Variants in CGGBP1 observed in about 807,000 individuals in gnomAD.
CGGBP1 encodes the protein CGG triplet repeat binding protein 1.
In CGGBP1, 4 loss-of-function variants were observed where a neutral mutation model predicts 11.4. The ratio of observed to expected loss-of-function variants is 0.35; its 90% CI spans 0.17 to 0.80. The LOEUF (loss-of-function observed/expected upper bound fraction) is 0.80. CGGBP1 is among the 30% of genes least tolerant of loss of function. The probability of loss-of-function intolerance (pLI) is 0.52; values close to 1 mark genes in which losing one functional copy is unlikely to be tolerated. For missense variants in CGGBP1, 135 were observed against 202.1 expected (o/e 0.67, Z 2.01); for synonymous variants, 76 against 74.1 (o/e 1.03, Z -0.13).
Position 88,139,425 on chromosome 3 carries a change from C to T in CGGBP1, c.-229+1545G>A, listed in dbSNP as rs758133144. On this transcript the variant is annotated intron_variant, in intron 2 of 3. Coordinates refer to the CGGBP1 transcript ENST00000462901. ...TGGTAGGAAATTTAGAAACAGAGGA[C>T]TTATGCAGAAGCATTTGAAGAATCA... 1.4e-5 allele frequency: 22 copies of T among 1,613,696 alleles called. No individual in the cohort carries two copies. In the Admixed American group the frequency reaches 3.7e-4, roughly 27 times the overall value.
intron 2 of CGGBP1, among the ~76,000 whole-genome samples, chr3:88,115,467 T>C (rs557793454): frequency 1.3e-5 from 2 of 152,322 alleles, no homozygotes; most frequent in South Asian, 2.1e-4. Flanking sequence ...GGCAAAATGA[T>C]CATGTCACTG....
At chr3:88,112,005 C>T (rs1705118734) in intron 2 of CGGBP1, among the ~76,000 whole-genome samples, 1 of 151,786 alleles carries the variant, frequency 6.6e-6, no homozygotes, top group Non-Finnish European at 1.5e-5. Flanking sequence ...ACTTTTTTAA[C>T]CTAACTTCTA....
At chr3:88,120,729 A>G (rs1040289178) in intron 2 of CGGBP1, among the ~76,000 whole-genome samples, 5 of 152,180 alleles carry the variant, frequency 3.3e-5, no homozygotes. Flanking sequence ...CTCATACTAT[A>G]TACATTATAA....
intron 2 of CGGBP1, among the ~76,000 whole-genome samples, chr3:88,103,104 C>T (rs1225967763): frequency 6.6e-6 from 1 of 151,988 alleles, no homozygotes; most frequent in African/African-American, 2.4e-5. Context: ...TGCGTTAATT[C>T]ACTTAGGATA....
At chr3:88,091,537 T>C (rs1223619597) in intron 2 of CGGBP1, among the ~76,000 whole-genome samples, 1 of 152,216 alleles carries the variant, frequency 6.6e-6, no homozygotes, top group Non-Finnish European at 1.5e-5. Context: ...AAAAGTTCTT[T>C]GGTTTAAAAT....
At chr3:88,139,283 A>G (rs1706978852) in intron 2 of CGGBP1, 1 of 1,562,036 alleles carries the variant, frequency 6.4e-7, no homozygotes, top group African/African-American at 1.4e-5. Context: ...CTTCCAAAGT[A>G]GATCACAATG....
chr3:88,073,360 G>C (rs1220701586), intron 2 of CGGBP1, among the ~76,000 whole-genome samples: 1 of 152,156 alleles, frequency 6.6e-6, no homozygotes, highest in African/African-American at 2.4e-5. Flanking sequence ...CTTGGCTTAG[G>C]GGTTTGAATT....
intron 2 of CGGBP1, among the ~76,000 whole-genome samples, chr3:88,120,776 A>C (rs1482972612): frequency 6.7e-6 from 1 of 148,796 alleles, no homozygotes; most frequent in African/African-American, 2.5e-5. Flanking sequence ...AACTAAAATA[A>C]TGTTTTAAAT....
intron 2 of CGGBP1, among the ~76,000 whole-genome samples, chr3:88,137,194 C>CA (rs11401199): frequency 0.8 from 56,876 of 70,958 alleles, 23,872 homozygotes; most frequent in South Asian, 0.89. Context: ...GACTCTGTCT[C>CA]AAAAAAAAAA....
At chr3:88,059,746 G>T (rs1706741630), upstream of CGGBP1, among the ~76,000 whole-genome samples, 1 of 152,078 alleles carries the variant, frequency 6.6e-6, no homozygotes, top group Admixed American at 6.6e-5. Context: ...TGGAGGGGCT[G>T]GAAAGAAGGA....
At chr3:88,130,783 C>T (rs956851188) in intron 2 of CGGBP1, among the ~76,000 whole-genome samples, 3 of 151,858 alleles carry the variant, frequency 2.0e-5, no homozygotes, top group Non-Finnish European at 4.4e-5. Context: ...AGATTAAAAT[C>T]TTCAAACTCA....
intron 1 of CGGBP1, chr3:88,141,665 A>G: frequency 1.3e-6 from 2 of 1,505,174 alleles, no homozygotes; most frequent in Non-Finnish European, 1.8e-6. Context: ...AAAACGGTTC[A>G]GAAAGATCTG....
At chr3:88,071,663 G>C (rs961935308) in intron 2 of CGGBP1, among the ~76,000 whole-genome samples, 1 of 150,008 alleles carries the variant, frequency 6.7e-6, no homozygotes, top group African/African-American at 2.5e-5. Flanking sequence ...AATTAGCCGG[G>C]CGTGGTGGCG....
At chr3:88,061,683 T>G (rs60995727), upstream of CGGBP1, among the ~76,000 whole-genome samples, 462 of 152,306 alleles carry the variant, frequency 3.0e-3, 3 homozygotes, top group African/African-American at 0.011. Context: ...TCTACCATAG[T>G]AATTGCTTCA....
intron 2 of CGGBP1, among the ~76,000 whole-genome samples, chr3:88,067,568 A>G (rs1362007450): frequency 6.6e-6 from 1 of 152,250 alleles, no homozygotes; most frequent in Non-Finnish European, 1.5e-5. Flanking sequence ...ATAAAGTTTG[A>G]GAAGGATTAA....
In CGGBP1 at chr3:88,052,742, T is replaced by C. The variant is rs1158615453; in HGVS notation, c.*2731A>G. ...TTTTTAAAGTCTTAATCAAAGATGA[T>C]AATGGATAAAACAACTATATAGGCT... On this transcript the variant is annotated 3_prime_UTR_variant, in exon 4 of 4. Coordinates refer to ENST00000482016, the MANE Select transcript of CGGBP1 (RefSeq NM_001008390.2). 1 of 152,514 alleles carries C rather than the reference T, an allele frequency of 6.6e-6. No homozygotes were observed. Among genetic ancestry groups the C allele is most frequent in the Non-Finnish European group, 1.5e-5 (1 of 68,026 alleles). The allele number at this position is 152,514 out of a possible 1,614,324, so 9.4% of individuals were successfully genotyped here. A position where few individuals can be genotyped will look rare whatever the true frequency, so the allele number is the denominator to read the frequency against.
intron 2 of CGGBP1, among the ~76,000 whole-genome samples, chr3:88,136,720 G>A (rs925081076): frequency 1.3e-5 from 2 of 152,090 alleles, no homozygotes; most frequent in African/African-American, 4.8e-5. Flanking sequence ...AGTGGTTGTC[G>A]GAGATACTTA....
upstream of CGGBP1, chr3:88,059,057 G>T: frequency 1.6e-6 from 1 of 620,826 alleles, no homozygotes; most frequent in Non-Finnish European, 2.6e-6. Flanking sequence ...TTGACCAACA[G>T]ACGGCCGGTT....
chr3:88,064,140 A>G (rs1314374022), intron 2 of CGGBP1, among the ~76,000 whole-genome samples: 2 of 151,888 alleles, frequency 1.3e-5, no homozygotes, highest in African/African-American at 2.4e-5. Context: ...GCTTATAACA[A>G]AAAATAGCAG....
Sources: gnomAD v4.1 joint callset for allele counts (sites outside exome capture counted in the v4.1 genomes callset) on GRCh38, gnomAD v4.1.1 for gene constraint, MANE v1.5 for transcripts, NCBI Gene and HGNC (gene_info 2026-07-23, HGNC 2026-07-21) for gene names.